Variants in SLC41A2 observed in about 807,000 individuals in gnomAD.
The protein encoded by SLC41A2 is SLC41A1-like 1.
A neutral mutation model predicts 58.3 loss-of-function variants in SLC41A2; 32 were observed. The observed-to-expected ratio is 0.55, with a 90% CI of 0.41 to 0.74. The LOEUF is 0.74. SLC41A2 is among the 30% of genes least tolerant of loss of function. The pLI, the probability that SLC41A2 is intolerant of heterozygous loss-of-function variation, is 0.00. For synonymous variants in SLC41A2, 190 were observed against 235.0 expected (o/e 0.81, Z 1.75); for missense variants, 514 against 680.6 (o/e 0.76, Z 2.72).
intron 6 of SLC41A2, among the ~76,000 whole-genome samples, chr12:104,876,358 G>A (rs1270552932): frequency 6.6e-6 from 1 of 151,726 alleles, no homozygotes. Context: ...CTTGTTTATT[G>A]GAGATCTTTC....
chr12:104,883,989 G>A (rs1160580603), intron 6 of SLC41A2, among the ~76,000 whole-genome samples: 1 of 152,200 alleles, frequency 6.6e-6, no homozygotes, highest in Non-Finnish European at 1.5e-5. Flanking sequence ...AGCTGTGGTG[G>A]GCTCCACCCA....
intron 1 of SLC41A2, 125 bp from the exon 2 acceptor site, chr12:104,928,819 A>T (rs1421671064): frequency 2.3e-5 from 5 of 217,564 alleles, no homozygotes; most frequent in Non-Finnish European, 3.6e-5. Flanking sequence ...CGGTACTGAT[A>T]CTATACTTTG....
intron 8 of SLC41A2, among the ~76,000 whole-genome samples, chr12:104,846,722 A>G (rs2042612329): frequency 6.6e-6 from 1 of 152,220 alleles, no homozygotes; most frequent in Admixed American, 6.5e-5. Flanking sequence ...CTGCAGGCAT[A>G]CAGCCCTCCA....
chr12:104,901,475 T>G (rs1157647092), intron 3 of SLC41A2, among the ~76,000 whole-genome samples: 1 of 152,276 alleles, frequency 6.6e-6, no homozygotes, highest in African/African-American at 2.4e-5. Context: ...TCAAGTAAGA[T>G]GGCAAGATAA....
chr12:104,917,216 G>A lies in SLC41A2; in HGVS notation c.556-7454C>T, dbSNP rs1369504275. Among the ~76,000 whole-genome samples, 52 of 151,978 alleles carry A rather than the reference G, an allele frequency of 3.4e-4. No individual in the cohort carries two copies. In the Middle Eastern group the frequency reaches 0.01, roughly 30 times the overall value. On this transcript the variant is annotated intron_variant, in intron 2 of 10. Transcript: ENST00000258538. ...AGACATTTATGCAGCCAAAAAACAC[G>A]TGAAAAAATGCTCACCATCACTGGC...
At chr12:104,909,097 T>C (rs1420493576) in intron 3 of SLC41A2, among the ~76,000 whole-genome samples, 2 of 152,170 alleles carry the variant, frequency 1.3e-5, no homozygotes, top group Admixed American at 1.3e-4. Flanking sequence ...AGATCACAGA[T>C]TATAAATGAG....
At chr12:104,893,856 G>A (rs1368433454) in intron 4 of SLC41A2, among the ~76,000 whole-genome samples, 1 of 152,128 alleles carries the variant, frequency 6.6e-6, no homozygotes, top group Admixed American at 6.5e-5. Flanking sequence ...CTAGAGGCTG[G>A]GAAGGGTAGT....
At chr12:104,818,305 G>A (rs903389034) in intron 10 of SLC41A2, among the ~76,000 whole-genome samples, 16 of 152,066 alleles carry the variant, frequency 1.1e-4, no homozygotes, top group African/African-American at 3.9e-4. Context: ...TAAAGAAAAA[G>A]AAGAAATGAA....
At chr12:104,860,743 A>C (rs906282431) in intron 8 of SLC41A2, among the ~76,000 whole-genome samples, 1 of 152,016 alleles carries the variant, frequency 6.6e-6, no homozygotes, top group East Asian at 1.9e-4. Flanking sequence ...ACATCTGGCT[A>C]ATTTTTGAAT....
intron 10 of SLC41A2, among the ~76,000 whole-genome samples, chr12:104,825,237 C>T (rs80071223): frequency 0.025 from 3,729 of 152,196 alleles, 101 homozygotes; most frequent in East Asian, 0.16. Flanking sequence ...GCTCAGGGCA[C>T]CTCTCCTTAT....
chr12:104,944,114 A>G (rs1009957495), intron 1 of SLC41A2, among the ~76,000 whole-genome samples: 1 of 152,224 alleles, frequency 6.6e-6, no homozygotes, highest in African/African-American at 2.4e-5. Context: ...TTATTCTACA[A>G]TTTTAGACCA....
intron 8 of SLC41A2, among the ~76,000 whole-genome samples, chr12:104,854,334 T>C (rs942000953): frequency 1.3e-5 from 2 of 151,544 alleles, no homozygotes; most frequent in Non-Finnish European, 2.9e-5. Context: ...GAGGCCGAGG[T>C]GGGCGGATCA....
intron 10 of SLC41A2, among the ~76,000 whole-genome samples, chr12:104,809,277 C>G (rs1475267720): frequency 2.0e-5 from 3 of 152,244 alleles, no homozygotes; most frequent in Admixed American, 1.3e-4. Flanking sequence ...GGTCCACGGT[C>G]TAGGCCAAGA....
intron 1 of SLC41A2, 140 bp downstream of exon 1, chr12:104,957,948 G>C (rs1165576484): frequency 6.6e-6 from 1 of 151,940 alleles, no homozygotes; most frequent in African/African-American, 2.4e-5. Context: ...ACGGCTGCTC[G>C]GGCGGGGCCG....
intron 10 of SLC41A2, among the ~76,000 whole-genome samples, chr12:104,832,080 G>A (rs903096381): frequency 1.3e-5 from 2 of 152,092 alleles, no homozygotes; most frequent in African/African-American, 4.8e-5. Context: ...ACTCATCAGA[G>A]AACATAAACT....
intron 10 of SLC41A2, among the ~76,000 whole-genome samples, chr12:104,840,086 C>A (rs1202497505): frequency 6.6e-6 from 1 of 152,088 alleles, no homozygotes; most frequent in Non-Finnish European, 1.5e-5. Flanking sequence ...TGAAGAATAC[C>A]GTAGGGCGTA....
At chr12:104,915,982 G>T (rs895972560) in intron 2 of SLC41A2, among the ~76,000 whole-genome samples, 4 of 152,146 alleles carry the variant, frequency 2.6e-5, no homozygotes, top group Non-Finnish European at 5.9e-5. Flanking sequence ...AGCATAAGGG[G>T]TTGTTGAATT....
intron 8 of SLC41A2, among the ~76,000 whole-genome samples, chr12:104,854,566 A>C (rs949426913): frequency 9.6e-5 from 10 of 104,644 alleles, no homozygotes; most frequent in Admixed American, 4.1e-4. Flanking sequence ...CCGTCTCAAA[A>C]AAACAAAAAA....
At chr12:104,952,954 T>C (rs1290278360) in intron 1 of SLC41A2, among the ~76,000 whole-genome samples, 3 of 152,248 alleles carry the variant, frequency 2.0e-5, no homozygotes, top group Non-Finnish European at 4.4e-5. Flanking sequence ...CTCCTTCTTC[T>C]GTGGTTCCAA....
Sources: allele counts gnomAD v4.1 joint callset (sites outside exome capture counted in the v4.1 genomes callset), GRCh38; gene constraint gnomAD v4.1.1; transcripts MANE v1.5; gene names NCBI Gene and HGNC (gene_info 2026-07-23, HGNC 2026-07-21).